The following CYSLTR1 variants were observed in gnomAD, a reference collection of about 807,000 sequenced individuals.
CYSLTR1 encodes G-protein coupled receptor HG55.
Under a neutral mutation model 2.1 loss-of-function variants are expected in CYSLTR1, and 1 was observed. The observed-to-expected ratio is 0.48, with a 90% confidence interval of 0.17 to 2.28. CYSLTR1 has a LOEUF of 2.28. Ranked by LOEUF, CYSLTR1 falls within the 30% of genes most tolerant of loss-of-function variation. The probability of loss-of-function intolerance (pLI) is 0.26; values close to 1 mark genes in which losing one functional copy is unlikely to be tolerated. For missense variants in CYSLTR1, 299 were observed against 250.1 expected, an observed-to-expected ratio of 1.20 and a Z score of -1.32; for synonymous variants, 110 against 89.6, an observed-to-expected ratio of 1.23 and a Z score of -1.28.
At chrX:78,322,305 G>T (rs1923697351) in intron 1 of CYSLTR1, among the ~76,000 whole-genome samples, 1 of 112,020 alleles carries the variant, frequency 8.9e-6, no homozygotes, top group South Asian at 3.7e-4. Context: ...AATGTTTGTT[G>T]AATCAATATC....
chrX:78,317,922 C>G (rs1262291926), intron 1 of CYSLTR1, among the ~76,000 whole-genome samples: 1 of 111,401 alleles, frequency 9.0e-6, no homozygotes, highest in Non-Finnish European at 1.9e-5. Context: ...GAAATCATCA[C>G]CAAAGAACTT....
chrX:78,301,596 G>A (rs1200920185), intron 1 of CYSLTR1, among the ~76,000 whole-genome samples: 3 of 111,883 alleles, frequency 2.7e-5, no homozygotes, highest in Non-Finnish European at 5.6e-5. Context: ...GGATTTGATT[G>A]TCCATATTAT....
intron 1 of CYSLTR1, among the ~76,000 whole-genome samples, chrX:78,287,722 T>C (rs1172020429): frequency 1.8e-5 from 2 of 111,233 alleles, no homozygotes; most frequent in Non-Finnish European, 3.8e-5. Context: ...GATAAACTAG[T>C]GCATAGTGAT....
chrX:78,292,305 C>G (rs1424901736), intron 1 of CYSLTR1, among the ~76,000 whole-genome samples: 4 of 112,078 alleles, frequency 3.6e-5, no homozygotes, highest in Non-Finnish European at 5.6e-5. Context: ...ATCCTGAGTT[C>G]TAATTTGATT....
At chrX:78,298,653 G>C (rs1922680257) in intron 1 of CYSLTR1, among the ~76,000 whole-genome samples, 1 of 111,124 alleles carries the variant, frequency 9.0e-6, no homozygotes, top group African/African-American at 3.3e-5. Flanking sequence ...TTATATTTTT[G>C]GGTTGAAATC....
intron 1 of CYSLTR1, among the ~76,000 whole-genome samples, chrX:78,288,843 T>C (rs945331914): frequency 1.8e-5 from 2 of 111,571 alleles, no homozygotes; most frequent in Non-Finnish European, 3.8e-5. Context: ...CCATCAACCA[T>C]CCCCACCTCC....
Position 78,273,000 on chromosome X carries a change from A to T in CYSLTR1, c.747T>A (p.Tyr249Ter). ...TAAFLVSFMP[Y>*]HIQRTIHLHF... ...GAAGGTGAATGGTACGTTGAATATG[A>T]TATGGCATGAAACTGACTAAAAAGG... Residue 249 changes from tyrosine to a stop codon, truncating the protein, a stop_gained, in exon 3 of 3, where the codon TAT becomes TAA. Transcript: ENST00000373304. LOFTEE classifies it high-confidence loss of function. The T allele has an allele frequency of 8.3e-7, 1 of 1,211,728 alleles. No homozygotes were observed. Among genetic ancestry groups the T allele is most frequent in the Non-Finnish European group, 1.1e-6 (1 of 895,466 alleles).
At chrX:78,301,856 A>C (rs1922833030) in intron 1 of CYSLTR1, among the ~76,000 whole-genome samples, 1 of 112,049 alleles carries the variant, frequency 8.9e-6, no homozygotes. Context: ...AATGAAAAAG[A>C]GGTTTAATTG....
intron 1 of CYSLTR1, among the ~76,000 whole-genome samples, chrX:78,303,803 A>G (rs1182217496): frequency 1.8e-5 from 2 of 111,750 alleles, no homozygotes; most frequent in African/African-American, 6.5e-5. Context: ...TGGATGATTA[A>G]TTGAGTGATC....
At chrX:78,286,618 G>A (rs769387013) in intron 1 of CYSLTR1, among the ~76,000 whole-genome samples, 2 of 108,672 alleles carry the variant, frequency 1.8e-5, no homozygotes, top group Non-Finnish European at 3.8e-5. Flanking sequence ...TTTAGCATTA[G>A]GTATATCTCC....
intron 1 of CYSLTR1, among the ~76,000 whole-genome samples, chrX:78,312,429 C>T (rs928585412): frequency 3.6e-5 from 4 of 111,859 alleles, no homozygotes; most frequent in African/African-American, 1.3e-4. Flanking sequence ...TAATTTATGG[C>T]TAAGTCCCTA....
chrX:78,324,079 T>C (rs1272257181), intron 1 of CYSLTR1, among the ~76,000 whole-genome samples: 1 of 111,066 alleles, frequency 9.0e-6, no homozygotes, highest in Non-Finnish European at 1.9e-5. Context: ...AAAGGAGAGG[T>C]CATGATGAGA....
At chrX:78,317,659 G>T (rs901997341) in intron 1 of CYSLTR1, among the ~76,000 whole-genome samples, 3 of 112,388 alleles carry the variant, frequency 2.7e-5, no homozygotes, top group Non-Finnish European at 5.6e-5. Flanking sequence ...AAAAATAAAT[G>T]AAATTATGGC....
At position 78,272,839 on chromosome X, in the gene CYSLTR1, C is replaced by G. The variant is rs199725327; in HGVS notation, c.908G>C (p.Arg303Thr). ...CTTTCTGAATGTAGACAGCCTTTTC[C>G]TAAAGTTACCCCCAGAAAAGAAATA... ...LLYFFSGGNF[R>T]KRLSTFRKHS... The change falls in exon 3 of 3, where the codon AGG becomes ACG. Residue 303 changes from arginine to threonine, a missense_variant. Arg to Thr is a moderately conservative substitution (Grantham distance 71). Coordinates refer to ENST00000373304, the MANE Select transcript of CYSLTR1 (RefSeq NM_006639.4). 4 of 1,208,902 alleles carry G rather than the reference C, an allele frequency of 3.3e-6. No homozygotes were observed. The Admixed American group carries it at 8.8e-5, about 27-fold the overall frequency.
rs1921416136 is a variant in CYSLTR1 at position 78,273,519 on chromosome X, C to T, written c.228G>A (p.Leu76=). 1 of 1,211,670 alleles carries T rather than the reference C, an allele frequency of 8.3e-7. No homozygotes were observed. Among genetic ancestry groups the T allele is most frequent in the Non-Finnish European group, 1.1e-6 (1 of 895,476 alleles). Residue 76 remains leucine, a synonymous_variant, in exon 3 of 3, where the codon CTG becomes CTA. Coordinates refer to ENST00000373304, the MANE Select transcript of CYSLTR1 (RefSeq NM_006639.4). ...GAACATAATAGACCACACGGAGAGG[C>T]AGTGTGCACACACAAAGTAGATCTG... ...AVADLLCVCT[L]PLRVVYYVHK...
chrX:78,292,223 T>G (rs1227522622), intron 1 of CYSLTR1, among the ~76,000 whole-genome samples: 3 of 112,398 alleles, frequency 2.7e-5, no homozygotes, highest in Middle Eastern at 9.1e-3. Context: ...CATTTCTTTA[T>G]GTACCCAGTA....
Position 78,272,583 on chromosome X carries a change from G to T in CYSLTR1, c.*150C>A. ...AAAATATCTATAAATATCTAATCAT[G>T]TGGATGCATAAATGAGATAGAGTTG... On this transcript the variant is annotated 3_prime_UTR_variant, in exon 3 of 3. Transcript: ENST00000373304. 1 of 474,165 alleles carries T rather than the reference G, an allele frequency of 2.1e-6. No homozygotes were observed. Among genetic ancestry groups the T allele is most frequent in the Non-Finnish European group, 3.2e-6 (1 of 310,212 alleles). The allele number at this position is 474,165 out of a possible 1,213,427, so 39.1% of individuals were successfully genotyped here. A position where few individuals can be genotyped will look rare whatever the true frequency, so the allele number is the denominator to read the frequency against.
At chrX:78,322,920 A>G (rs985276674) in intron 1 of CYSLTR1, among the ~76,000 whole-genome samples, 2 of 111,802 alleles carry the variant, frequency 1.8e-5, no homozygotes, top group African/African-American at 6.5e-5. Context: ...CTGTCAAACC[A>G]AAAAGGACCT....
chrX:78,282,456 T>C lies in CYSLTR1; in HGVS notation c.-28+998A>G, dbSNP rs756708675. On this transcript the variant is annotated intron_variant, in intron 2 of 2. Coordinates refer to ENST00000373304, the MANE Select transcript of CYSLTR1 (RefSeq NM_006639.4). ...ACAAGTTTAACATTTGAAGGTATTA[T>C]TTGTCATTTAAAACTATTTGGAGTT... is the stretch of plus-strand genomic sequence containing the variant. Among the ~76,000 whole-genome samples, 12 of 112,712 alleles carry C rather than the reference T, an allele frequency of 1.1e-4. No homozygotes were observed. In the East Asian group the frequency reaches 3.3e-3, roughly 31 times the overall value.
Sources: allele counts gnomAD v4.1 joint callset (sites outside exome capture counted in the v4.1 genomes callset), GRCh38; gene constraint gnomAD v4.1.1; transcripts MANE v1.5; gene names NCBI Gene and HGNC (gene_info 2026-07-23, HGNC 2026-07-21).